EPC2: variants seen among roughly 807,000 people sequenced by gnomAD.
The protein encoded by EPC2 is enhancer of polycomb homolog 2.
EPC2 carries 14 observed loss-of-function variants against 92.1 expected under a neutral mutation model. That is an observed-to-expected ratio of 0.15 (90% confidence interval 0.10 to 0.24). The LOEUF is 0.24. Ranked by LOEUF, EPC2 falls within the 10% of genes least tolerant of loss-of-function variation. The pLI is 1.00. For synonymous variants in EPC2, 340 were observed against 334.7 expected, an observed-to-expected ratio of 1.02 and a Z score of -0.17; for missense variants, 755 against 971.5, an observed-to-expected ratio of 0.78 and a Z score of 2.96.
At chr2:148,726,292 G>C (rs1434185009) in intron 2 of EPC2, among the ~76,000 whole-genome samples, 1 of 152,128 alleles carries the variant, frequency 6.6e-6, no homozygotes, top group Non-Finnish European at 1.5e-5. Context: ...CTTGTTTTCA[G>C]TTCTTTTGGA....
Position 148,644,795 on chromosome 2 carries a change from C to T in EPC2, c.-223C>T, listed in dbSNP as rs2105345869. Among the ~76,000 whole-genome samples the T allele has an allele frequency of 9.2e-6, 1 of 109,136 alleles. No homozygotes were observed. The highest frequency in any genetic ancestry group is 2.9e-4 in the South Asian group (1 of 3,470). The allele number at this position is 109,136 out of a possible 152,430, so 71.6% of individuals were successfully genotyped here. A position where few individuals can be genotyped will look rare whatever the true frequency, so the allele number is the denominator to read the frequency against. On this transcript the variant is annotated 5_prime_UTR_variant, in exon 1 of 14. Coordinates refer to ENST00000258484, the MANE Select transcript of EPC2 (RefSeq NM_015630.4). Reference sequence around the variant, plus strand: ...GCCATGGCGCAGGGAGCGGATCGGGCGGGCGAGCGGCGGATCTAGTGTGTG... The same window carrying T: ...GCCATGGCGCAGGGAGCGGATCGGGTGGGCGAGCGGCGGATCTAGTGTGTG...
intron 4 of EPC2, among the ~76,000 whole-genome samples, chr2:148,755,691 G>A (rs980053395): frequency 2.0e-5 from 3 of 152,200 alleles, no homozygotes; most frequent in African/African-American, 4.8e-5. Context: ...CTAGGTTTAT[G>A]TAAGTACACT....
At chr2:148,740,783 T>C (rs1277895775) in intron 2 of EPC2, among the ~76,000 whole-genome samples, 1 of 152,186 alleles carries the variant, frequency 6.6e-6, no homozygotes, top group Non-Finnish European at 1.5e-5. Flanking sequence ...CTCCACACTT[T>C]CCTAAATCTT....
chr2:148,781,622 C>G, intron 10 of EPC2, 22 bp from the exon 11 acceptor site: 1 of 1,593,940 alleles, frequency 6.3e-7, no homozygotes, highest in Non-Finnish European at 8.5e-7. Context: ...TACTCATTTC[C>G]AAAATTCATG....
chr2:148,710,969 T>G (rs974623072), intron 2 of EPC2, among the ~76,000 whole-genome samples: 9 of 151,976 alleles, frequency 5.9e-5, no homozygotes, highest in Admixed American at 5.9e-4. Context: ...TCCTCCACTA[T>G]ATTTCATTCA....
chr2:148,713,106 CT>C (rs1298693650), intron 2 of EPC2, among the ~76,000 whole-genome samples: 4 of 152,156 alleles, frequency 2.6e-5, no homozygotes, highest in Non-Finnish European at 5.9e-5. Context: ...CTATTCTATA[CT>C]TTTTAATCGT....
At chr2:148,712,155 C>G (rs61157322) in intron 2 of EPC2, among the ~76,000 whole-genome samples, 4 of 152,008 alleles carry the variant, frequency 2.6e-5, no homozygotes, top group South Asian at 2.1e-4. Flanking sequence ...GTTTTATCTT[C>G]TACACTTTTT....
chr2:148,672,360 G>A (rs1485234415), intron 1 of EPC2, among the ~76,000 whole-genome samples: 1 of 152,098 alleles, frequency 6.6e-6, no homozygotes, highest in African/African-American at 2.4e-5. Flanking sequence ...TGAATCTCTT[G>A]TAGATAGCAT....
intron 10 of EPC2, among the ~76,000 whole-genome samples, chr2:148,773,877 A>G (rs1558836763): frequency 2.6e-5 from 4 of 152,176 alleles, no homozygotes; most frequent in East Asian, 3.9e-4. Context: ...AGAAAGCTAT[A>G]TTTTTACTTT....
chr2:148,752,417 G>A (rs998538064), intron 3 of EPC2, among the ~76,000 whole-genome samples: 4 of 152,098 alleles, frequency 2.6e-5, no homozygotes, highest in African/African-American at 7.2e-5. Flanking sequence ...TCACCATTCC[G>A]GAGAACTCCA....
chr2:148,746,947 G>C lies in EPC2; in HGVS notation c.459+3180G>C, dbSNP rs573906489. 3.9e-5 allele frequency among the ~76,000 whole-genome samples: 6 copies of C among 152,106 alleles called. No homozygotes were observed. The South Asian group carries it at 1.2e-3, about 32-fold the overall frequency. The stretch of plus-strand genomic sequence containing the variant: ...TCTTTGAAATGTTTTATTCTTGTAA[G>C]TTTTCTAAATATTTGAGATTAAAGT... On this transcript the variant is annotated intron_variant, in intron 3 of 13. Coordinates refer to ENST00000258484, the MANE Select transcript of EPC2 (RefSeq NM_015630.4).
chr2:148,752,599 A>C (rs551638541), intron 3 of EPC2, among the ~76,000 whole-genome samples: 6 of 152,292 alleles, frequency 3.9e-5, no homozygotes, highest in African/African-American at 1.4e-4. Context: ...ATGGCCACTT[A>C]GTATTTTAAT....
intron 7 of EPC2, among the ~76,000 whole-genome samples, chr2:148,767,126 A>G (rs1683424529): frequency 1.3e-5 from 2 of 151,382 alleles, no homozygotes; most frequent in South Asian, 4.2e-4. Context: ...CGAGCCAGGG[A>G]GATGAAGGTT....
In EPC2 at chr2:148,785,001, G is replaced by GGT. The variant is rs377569045; in HGVS notation, c.2351+13_2351+14dup. 43 of 1,497,700 alleles carry GGT rather than the reference G, an allele frequency of 2.9e-5. No homozygotes were observed. Among genetic ancestry groups the GGT allele is most frequent in the African/African-American group, 2.0e-4 (14 of 71,272 alleles). 92.8% of individuals were successfully genotyped at this position (1,497,700 alleles called of 1,614,324 possible). A position where few individuals can be genotyped will look rare whatever the true frequency, so the allele number is the denominator to read the frequency against. On this transcript the variant is annotated frameshift_variant and splice_region_variant. Transcript: ENST00000258484. LOFTEE classifies it high-confidence loss of function. ...AGCAGTGCCATCAGCAGCATAGCAA[G>GGT]GTGTGTGTGTGTGTTTCAGTGATTT...
intron 7 of EPC2, among the ~76,000 whole-genome samples, chr2:148,765,813 G>A (rs914233125): frequency 2.4e-4 from 37 of 152,094 alleles, no homozygotes; most frequent in African/African-American, 8.5e-4. Context: ...CGAGGCAGGC[G>A]GATCACAAGA....
intron 2 of EPC2, among the ~76,000 whole-genome samples, chr2:148,715,025 GTTTTTT>G (rs60115354): frequency 3.5e-5 from 3 of 86,862 alleles, no homozygotes; most frequent in African/African-American, 5.3e-5. Context: ...TTCTTCTAGG[GTTTTTT>G]TTTTTTTTTT....
chr2:148,753,130 A>G (rs894827960), intron 3 of EPC2, among the ~76,000 whole-genome samples: 4 of 152,172 alleles, frequency 2.6e-5, no homozygotes, highest in African/African-American at 9.7e-5. Context: ...TCGAGGTGCA[A>G]GGCAACAAAT....
At chr2:148,774,634 A>G (rs997514795) in intron 10 of EPC2, among the ~76,000 whole-genome samples, 3 of 148,648 alleles carry the variant, frequency 2.0e-5, no homozygotes, top group Non-Finnish European at 4.4e-5. Context: ...TTATATATAT[A>G]TATATATGCA....
chr2:148,697,972 T>G (rs1030842663), intron 2 of EPC2, among the ~76,000 whole-genome samples: 2 of 152,138 alleles, frequency 1.3e-5, no homozygotes, highest in Admixed American at 1.3e-4. Flanking sequence ...AAAATAAGAT[T>G]TGCTTTCAAT....
Sources: gnomAD v4.1 joint callset for allele counts (sites outside exome capture counted in the v4.1 genomes callset) on GRCh38, gnomAD v4.1.1 for gene constraint, MANE v1.5 for transcripts, NCBI Gene and HGNC (gene_info 2026-07-23, HGNC 2026-07-21) for gene names.